The following GRID2 variants were observed in gnomAD, a reference collection of about 807,000 sequenced individuals.
GRID2 encodes glutamate ionotropic receptor delta type subunit 2.
In GRID2, 33 loss-of-function variants were observed where a neutral mutation model predicts 114.8. That is an observed-to-expected ratio of 0.29 (90% CI 0.22 to 0.38). The LOEUF is 0.38. Ranked by LOEUF, GRID2 falls within the 10% of genes least tolerant of loss-of-function variation. The probability of loss-of-function intolerance (pLI) is 1.00; values close to 1 mark genes in which losing one functional copy is unlikely to be tolerated. For missense variants in GRID2, 1,184 were observed against 1,257.7 expected (o/e 0.94, Z 0.89); for synonymous variants, 505 against 449.9 (o/e 1.12, Z -1.55).
At chr4:92,694,486 C>T (rs1734335955) in intron 2 of GRID2, among the ~76,000 whole-genome samples, 1 of 152,192 alleles carries the variant, frequency 6.6e-6, no homozygotes, top group Non-Finnish European at 1.5e-5. Context: ...GGTGGGCTGC[C>T]TCTCCAGTCT....
intron 2 of GRID2, among the ~76,000 whole-genome samples, chr4:92,671,789 C>T (rs1464511442): frequency 6.6e-6 from 1 of 151,986 alleles, no homozygotes; most frequent in Non-Finnish European, 1.5e-5. Flanking sequence ...TTCCCTTTAC[C>T]TTTGATCTTT....
At chr4:92,460,438 A>G (rs751265002) in intron 1 of GRID2, among the ~76,000 whole-genome samples, 10 of 152,076 alleles carry the variant, frequency 6.6e-5, no homozygotes, top group Non-Finnish European at 1.0e-4. Flanking sequence ...ACACGATTCT[A>G]GATATTTGAA....
chr4:92,807,544 T>G, intron 2 of GRID2, among the ~76,000 whole-genome samples: 1 of 152,108 alleles, frequency 6.6e-6, no homozygotes, highest in Non-Finnish European at 1.5e-5. Context: ...GTGAATATTT[T>G]ATACACATAA....
chr4:92,966,650 C>A (rs1004790448), intron 2 of GRID2, among the ~76,000 whole-genome samples: 1 of 151,912 alleles, frequency 6.6e-6, no homozygotes, highest in Admixed American at 6.6e-5. Flanking sequence ...TTCCCCTGCA[C>A]AAACTCTCTT....
intron 8 of GRID2, among the ~76,000 whole-genome samples, chr4:93,345,576 T>C (rs1236410094): frequency 6.6e-6 from 1 of 152,112 alleles, no homozygotes; most frequent in Non-Finnish European, 1.5e-5. Flanking sequence ...AGTATTTTTT[T>C]CCCATTCTGT....
chr4:92,948,546 A>T (rs1751810292), intron 2 of GRID2, among the ~76,000 whole-genome samples: 1 of 151,792 alleles, frequency 6.6e-6, no homozygotes, highest in African/African-American at 2.4e-5. Flanking sequence ...AGAATGACTT[A>T]TTTAAACTCA....
chr4:93,600,216 C>T (rs1739524861), intron 13 of GRID2, among the ~76,000 whole-genome samples: 1 of 151,970 alleles, frequency 6.6e-6, no homozygotes, highest in Non-Finnish European at 1.5e-5. Context: ...AAACTTGATA[C>T]ATTGGATTTT....
chr4:93,667,144 T>C (rs1247661164), intron 14 of GRID2, among the ~76,000 whole-genome samples: 1 of 151,942 alleles, frequency 6.6e-6, no homozygotes, highest in East Asian at 1.9e-4. Flanking sequence ...GAGAAATAAA[T>C]AAGACAATTC....
chr4:93,751,310 C>G (rs1036116525), intron 14 of GRID2, among the ~76,000 whole-genome samples: 2 of 152,126 alleles, frequency 1.3e-5, no homozygotes, highest in Non-Finnish European at 2.9e-5. Flanking sequence ...CTTTGTTGAT[C>G]TGTAGCTGGC....
rs143383450 is a variant in GRID2 at position 93,365,592 on chromosome 4, G to A, written c.1246-30015G>A. Among the ~76,000 whole-genome samples, 28 of 152,212 alleles carry A rather than the reference G, an allele frequency of 1.8e-4. No homozygotes were observed. In the East Asian group the frequency reaches 5.2e-3, roughly 28 times the overall value. On this transcript the variant is annotated intron_variant, in intron 8 of 15. Transcript: ENST00000282020. ...CTTCCATAACCTTACGGTGGTTTCTGCTTTGAGTAGTAGTCTCTGGATATT... is the reference window on the plus strand; with the variant it reads ...CTTCCATAACCTTACGGTGGTTTCTACTTTGAGTAGTAGTCTCTGGATATT...
chr4:93,779,309 C>G (rs960053699), downstream of GRID2, among the ~76,000 whole-genome samples: 2 of 151,858 alleles, frequency 1.3e-5, no homozygotes, highest in African/African-American at 4.8e-5. Flanking sequence ...AATCAGTCCA[C>G]CAACAAATAC....
chr4:93,591,426 A>G (rs1002138647), intron 13 of GRID2, among the ~76,000 whole-genome samples: 6 of 151,912 alleles, frequency 3.9e-5, no homozygotes, highest in African/African-American at 1.5e-4. Flanking sequence ...ATGGTGGATA[A>G]GCTTTTTGAT....
intron 1 of GRID2, among the ~76,000 whole-genome samples, chr4:92,370,029 A>C (rs563756937): frequency 6.6e-6 from 1 of 152,210 alleles, no homozygotes; most frequent in South Asian, 2.1e-4. Flanking sequence ...TCAAATTGAA[A>C]GTTTGTGGCA....
At chr4:92,854,784 TAAA>T (rs1171792499) in intron 2 of GRID2, among the ~76,000 whole-genome samples, 2 of 152,040 alleles carry the variant, frequency 1.3e-5, no homozygotes, top group African/African-American at 2.4e-5. Flanking sequence ...ATGTAAATAA[TAAA>T]AAAATTTAGA....
intron 14 of GRID2, among the ~76,000 whole-genome samples, chr4:93,737,550 C>A (rs1731031103): frequency 6.6e-6 from 1 of 151,966 alleles, no homozygotes; most frequent in African/African-American, 2.4e-5. Flanking sequence ...CATAGCAAGA[C>A]CCTGTCTCTA....
intron 2 of GRID2, among the ~76,000 whole-genome samples, chr4:92,642,325 G>A (rs1600320): frequency 0.69 from 104,462 of 151,552 alleles, 38,062 homozygotes; most frequent in African/African-American, 0.93. Flanking sequence ...TTACTTAATA[G>A]TAGCCATTCT....
Position 93,680,449 on chromosome 4 carries a change from A to G in GRID2, c.2360+54014A>G, listed in dbSNP as rs540362846. The stretch of plus-strand genomic sequence containing the variant: ...TTTATGAGGCCAGCATCATCCTGAT[A>G]CCAAAGCCTGGCAGAGACACAACCA... On this transcript the variant is annotated intron_variant, in intron 14 of 15. Transcript: ENST00000282020. 4.9e-4 allele frequency among the ~76,000 whole-genome samples: 75 copies of G among 151,880 alleles called. 1 individual carries two copies. In the East Asian group the frequency reaches 9.5e-3, roughly 19 times the overall value.
intron 1 of GRID2, among the ~76,000 whole-genome samples, chr4:92,491,598 AT>A (rs1162205952): frequency 6.6e-6 from 1 of 151,604 alleles, no homozygotes; most frequent in Non-Finnish European, 1.5e-5. Flanking sequence ...TATTAAACTG[AT>A]TTTTTTTCAT....
intron 2 of GRID2, among the ~76,000 whole-genome samples, chr4:92,848,926 T>G (rs1200985848): frequency 6.6e-6 from 1 of 151,844 alleles, no homozygotes; most frequent in Non-Finnish European, 1.5e-5. Context: ...GAGAGAGGTC[T>G]TAGAAGTAAC....
Sources: allele counts gnomAD v4.1 joint callset (sites outside exome capture counted in the v4.1 genomes callset), GRCh38; gene constraint gnomAD v4.1.1; transcripts MANE v1.5; gene names NCBI Gene and HGNC (gene_info 2026-07-23, HGNC 2026-07-21).